The following CCDC33 variants were observed in gnomAD, a reference collection of about 807,000 sequenced individuals.
CCDC33 encodes coiled-coil domain-containing protein 33.
A neutral mutation model predicts 91.9 loss-of-function variants in CCDC33; 94 were observed. The ratio of observed to expected loss-of-function variants is 1.02; its 90% CI spans 0.87 to 1.21. The LOEUF (loss-of-function observed/expected upper bound fraction) is 1.21. CCDC33 is among the 50% of genes most tolerant of loss of function. The pLI is 0.00. For synonymous variants in CCDC33, 396 were observed against 374.5 expected (o/e 1.06, Z -0.66); for missense variants, 940 against 935.5 (o/e 1.00, Z -0.06).
At chr15:74,235,356 G>A (rs1242437227), upstream of CCDC33, among the ~76,000 whole-genome samples, 3 of 152,320 alleles carry the variant, frequency 2.0e-5, no homozygotes, top group East Asian at 5.8e-4. Flanking sequence ...GGGGTAGAGA[G>A]GGAGGCTGGG....
At chr15:74,329,846 G>A (rs1053862129) in intron 11 of CCDC33, among the ~76,000 whole-genome samples, 2 of 152,206 alleles carry the variant, frequency 1.3e-5, no homozygotes, top group African/African-American at 4.8e-5. Flanking sequence ...CTATGATCGA[G>A]CCAGACCCTG....
chr15:74,233,663 C>G (rs983442968), upstream of CCDC33, among the ~76,000 whole-genome samples: 3 of 152,124 alleles, frequency 2.0e-5, no homozygotes, highest in African/African-American at 4.8e-5. Flanking sequence ...TTGCCAAGCC[C>G]AAGGTTGGTT....
At chr15:74,232,612 G>A (rs1351056918), upstream of CCDC33, among the ~76,000 whole-genome samples, 1 of 152,172 alleles carries the variant, frequency 6.6e-6, no homozygotes, top group Non-Finnish European at 1.5e-5. Flanking sequence ...TGGATGAGGT[G>A]GGAAATGTAG....
intron 11 of CCDC33, among the ~76,000 whole-genome samples, chr15:74,311,096 G>A (rs1378296662): frequency 2.6e-5 from 4 of 150,972 alleles, no homozygotes; most frequent in Non-Finnish European, 4.4e-5. Context: ...GAGGCAGGAC[G>A]GGTGGTCTCA....
At chr15:74,245,164 C>T (rs2075480622) in intron 2 of CCDC33, among the ~76,000 whole-genome samples, 1 of 152,184 alleles carries the variant, frequency 6.6e-6, no homozygotes, top group East Asian at 1.9e-4. Context: ...CTCTGGGGCT[C>T]CCTGAGGACG....
chr15:74,284,985 G>C (rs563950447), intron 10 of CCDC33, among the ~76,000 whole-genome samples: 2 of 152,346 alleles, frequency 1.3e-5, no homozygotes, highest in East Asian at 3.9e-4. Context: ...CTGACACCTG[G>C]AGGTCTTAGA....
At chr15:74,276,773 C>T (rs777256036) in intron 7 of CCDC33, among the ~76,000 whole-genome samples, 1 of 152,246 alleles carries the variant, frequency 6.6e-6, no homozygotes, top group Non-Finnish European at 1.5e-5. Flanking sequence ...CCCCTTCCCA[C>T]CTCCAGCCTC....
At chr15:74,203,606 A>G (rs911382216) in intron 1 of CCDC33, among the ~76,000 whole-genome samples, 2 of 152,232 alleles carry the variant, frequency 1.3e-5, no homozygotes, top group African/African-American at 4.8e-5. Flanking sequence ...TTAAGAAGAC[A>G]TTATTCATTT....
At position 74,333,976 on chromosome 15, in the gene CCDC33, G is replaced by A; in HGVS notation, c.2025+9G>A. On this transcript the variant is annotated intron_variant, in intron 17 of 18. Transcript: ENST00000398814. ...TGTCCCTGGAAAGCCAGGTGGGTGA[G>A]ATGCAGGAGTTGATGAGGCTGGATC... 1 of 1,612,434 alleles carries A rather than the reference G, an allele frequency of 6.2e-7. No individual in the cohort carries two copies. Among genetic ancestry groups the A allele is most frequent in the South Asian group, 1.1e-5 (1 of 90,966 alleles).
chr15:74,228,028 A>G (rs1364304970), intron 2 of CCDC33, among the ~76,000 whole-genome samples: 1 of 152,154 alleles, frequency 6.6e-6, no homozygotes, highest in Non-Finnish European at 1.5e-5. Context: ...TTACCTCTGC[A>G]GAGAGGTGTT....
intron 10 of CCDC33, among the ~76,000 whole-genome samples, chr15:74,290,263 C>T (rs1649890427): frequency 2.0e-5 from 3 of 151,928 alleles, no homozygotes; most frequent in South Asian, 4.2e-4. Flanking sequence ...CTTCAACCTC[C>T]GCCTCCTGGG....
chr15:74,234,796 C>G (rs1316087960), upstream of CCDC33, among the ~76,000 whole-genome samples: 2 of 152,366 alleles, frequency 1.3e-5, no homozygotes, highest in East Asian at 3.9e-4. Flanking sequence ...GCAAGGACCA[C>G]AGTGAGGCAG....
intron 11 of CCDC33, among the ~76,000 whole-genome samples, chr15:74,307,271 A>C (rs1299889307): frequency 6.6e-6 from 1 of 152,212 alleles, no homozygotes; most frequent in Non-Finnish European, 1.5e-5. Context: ...GTGCTCTGCA[A>C]GCACCAGCCC....
intron 2 of CCDC33, among the ~76,000 whole-genome samples, chr15:74,256,409 C>T (rs536324854): frequency 2.3e-5 from 3 of 132,212 alleles, no homozygotes; most frequent in South Asian, 2.6e-4. Context: ...CCTAAGGCTG[C>T]GTACGGGAGA....
chr15:74,213,122 A>T (rs2074383891), upstream of CCDC33: 1 of 152,170 alleles, frequency 6.6e-6, no homozygotes, highest in Non-Finnish European at 1.5e-5. Context: ...AGGCTGAGGC[A>T]GGAGAATCGC....
intron 11 of CCDC33, chr15:74,311,942 C>G (rs2060001294): frequency 6.6e-6 from 1 of 152,254 alleles, no homozygotes; most frequent in South Asian, 2.1e-4. Context: ...CCAGGGGCCG[C>G]TTTTCTTTCT....
chr15:74,323,009 C>T (rs113509150), intron 11 of CCDC33, among the ~76,000 whole-genome samples: 2 of 152,108 alleles, frequency 1.3e-5, no homozygotes, highest in African/African-American at 2.4e-5. Flanking sequence ...AGCCCCTCCC[C>T]GCTCCTACCC....
At position 74,240,678 on chromosome 15, in the gene CCDC33, C is replaced by T. The variant is rs143538185; in HGVS notation, c.22-3307C>T. Among the ~76,000 whole-genome samples the T allele has an allele frequency of 4.4e-3, 671 of 152,196 alleles. 4 individuals are homozygous for T. Among genetic ancestry groups the T allele is most frequent in the African/African-American group, 0.016 (646 of 41,506 alleles). On this transcript the variant is annotated intron_variant, in intron 1 of 18. Coordinates refer to ENST00000398814, the MANE Select transcript of CCDC33 (RefSeq NM_025055.5). The stretch of plus-strand genomic sequence containing the variant: ...TACCATCTTGGCTCACTGCAACCTC[C>T]GCCTCCTAGGTTCAAGCAATTCTTC...
intron 11 of CCDC33, among the ~76,000 whole-genome samples, chr15:74,309,927 C>A (rs773871528): frequency 6.6e-6 from 1 of 152,010 alleles, no homozygotes; most frequent in Non-Finnish European, 1.5e-5. Flanking sequence ...GCAGGAGGAT[C>A]ACTTGAGACC....
Sources: gnomAD v4.1 joint callset for allele counts (sites outside exome capture counted in the v4.1 genomes callset) on GRCh38, gnomAD v4.1.1 for gene constraint, MANE v1.5 for transcripts, NCBI Gene and HGNC (gene_info 2026-07-23, HGNC 2026-07-21) for gene names.